The following SATL1 variants were observed in gnomAD, a reference collection of about 807,000 sequenced individuals.
The protein encoded by SATL1 is spermidine/spermine N(1)-acetyltransferase-like protein 1.
Under a neutral mutation model 51.8 loss-of-function variants are expected in SATL1, and 47 were observed. The ratio of observed to expected loss-of-function variants is 0.91; its 90% CI spans 0.72 to 1.16. The LOEUF is 1.16. SATL1 is among the 50% of genes most tolerant of loss of function. The probability of loss-of-function intolerance (pLI) is 0.00; values close to 1 mark genes in which losing one functional copy is unlikely to be tolerated. For missense variants in SATL1, 520 were observed against 526.4 expected (o/e 0.99, Z 0.12); for synonymous variants, 176 against 182.4 (o/e 0.97, Z 0.28).
intron 4 of SATL1, among the ~76,000 whole-genome samples, chrX:85,098,051 A>T (rs1043165395): frequency 2.7e-5 from 3 of 111,731 alleles, no homozygotes; most frequent in Non-Finnish European, 5.6e-5. Context: ...AGGAAAACAA[A>T]CAAAAACATG....
chrX:85,198,811 C>T (rs1927630418), intron 2 of SATL1, among the ~76,000 whole-genome samples: 1 of 110,108 alleles, frequency 9.1e-6, no homozygotes, highest in Non-Finnish European at 1.9e-5. Flanking sequence ...ACTATAATCA[C>T]CCTGTTGTCC....
intron 2 of SATL1, among the ~76,000 whole-genome samples, chrX:85,213,904 C>G (rs1376360031): frequency 9.0e-6 from 1 of 110,619 alleles, no homozygotes; most frequent in Non-Finnish European, 1.9e-5. Context: ...TGTGGAAACT[C>G]AAAAAGAGAA....
At chrX:85,215,384 G>A (rs1444653703) in intron 2 of SATL1, among the ~76,000 whole-genome samples, 1 of 111,756 alleles carries the variant, frequency 8.9e-6, no homozygotes, top group Non-Finnish European at 1.9e-5. Flanking sequence ...GCAAGTGGTA[G>A]TTCCACAACA....
intron 2 of SATL1, among the ~76,000 whole-genome samples, chrX:85,135,970 T>C (rs1288041139): frequency 1.8e-5 from 2 of 110,166 alleles, no homozygotes; most frequent in Non-Finnish European, 3.8e-5. Context: ...ATAATAATAA[T>C]GAGTTCCTGA....
chrX:85,188,793 T>G (rs1408501526), intron 2 of SATL1, among the ~76,000 whole-genome samples: 1 of 112,472 alleles, frequency 8.9e-6, no homozygotes, highest in East Asian at 2.8e-4. Flanking sequence ...TTCATACTTG[T>G]ATGAGTGCTA....
chrX:85,209,978 T>C (rs1452705232), intron 2 of SATL1: 16 of 110,480 alleles, frequency 1.4e-4, no homozygotes, highest in African/African-American at 4.9e-4. Context: ...TTTAGTGCTA[T>C]AAATGTCCCT....
At chrX:85,211,713 C>T (rs189048948) in intron 2 of SATL1, 21 of 110,885 alleles carry the variant, frequency 1.9e-4, no homozygotes, top group Admixed American at 1.2e-3. Context: ...GTGGGCCATT[C>T]GATATCCCTA....
At chrX:85,175,697 A>G (rs1927068003) in intron 2 of SATL1, among the ~76,000 whole-genome samples, 2 of 110,979 alleles carry the variant, frequency 1.8e-5, no homozygotes, top group South Asian at 7.6e-4. Context: ...AAGGCTTTTG[A>G]CGCCCCTTGG....
Position 85,107,720 on chromosome X carries a change from A to C in SATL1, c.1249T>G (p.Trp417Gly), listed in dbSNP as rs760329255. ...SQIGMSQPGT[W>G]QTGLSQPVPR... The stretch of plus-strand genomic sequence containing the variant: ...ACTGGTTGGCTCAGGCCTGTTTGCC[A>C]TGTGCCTGGTTGGCTCATGCCTATT... The change falls in exon 3 of 8, where the codon TGG (tryptophan) becomes GGG (glycine). Residue 417 changes from tryptophan to glycine, a missense_variant. Around this residue, in one of 3 missense-constraint regions of SATL1, gnomAD observed 488 missense variants for 474.3 expected, o/e 1.03. Coordinates refer to ENST00000644105, the MANE Select transcript of SATL1 (RefSeq NM_001367857.2). 2.4e-5 allele frequency: 29 copies of C among 1,208,713 alleles called. No homozygotes were observed. The African/African-American group carries it at 4.6e-4, about 19-fold the overall frequency.
At chrX:85,129,592 A>G (rs904917431) in intron 2 of SATL1, among the ~76,000 whole-genome samples, 6 of 111,810 alleles carry the variant, frequency 5.4e-5, no homozygotes, top group Non-Finnish European at 7.5e-5. Flanking sequence ...TCTTCTGCAA[A>G]CAGGGACAAT....
At chrX:85,234,013 A>G (rs1184555585) in intron 1 of SATL1, among the ~76,000 whole-genome samples, 1 of 111,457 alleles carries the variant, frequency 9.0e-6, no homozygotes, top group Non-Finnish European at 1.9e-5. Flanking sequence ...CAAATTTCCA[A>G]AGGTCACAGA....
At chrX:85,133,169 G>A (rs1029421688) in intron 2 of SATL1, among the ~76,000 whole-genome samples, 1 of 112,028 alleles carries the variant, frequency 8.9e-6, no homozygotes, top group Admixed American at 9.4e-5. Flanking sequence ...ACCATGCTGG[G>A]AGAACCACTA....
Position 85,107,811 on chromosome X carries a change from C to T in SATL1, c.1158G>A (p.Met386Ile). Residue 386 changes from methionine to isoleucine, a missense_variant, in exon 3 of 8, where the codon ATG becomes ATA. By Grantham distance (10) the Met-to-Ile change is conservative (BLOSUM62 1). Around this residue, in one of 3 missense-constraint regions of SATL1, gnomAD observed 488 missense variants for 474.3 expected, o/e 1.03. Coordinates refer to ENST00000644105, the MANE Select transcript of SATL1 (RefSeq NM_001367857.2). ...ISQPVMWQLD[M>I]RQSGGSQPSM... ...TTGGTTGGCTCCCACCTGACTGTCTCATGTCTAGTTGCCACATCACTGGTT... is the reference window on the plus strand; with the variant it reads ...TTGGTTGGCTCCCACCTGACTGTCTTATGTCTAGTTGCCACATCACTGGTT... 2 of 1,211,624 alleles carry T rather than the reference C, an allele frequency of 1.7e-6. No homozygotes were observed. The highest frequency in any genetic ancestry group is 2.2e-6 in the Non-Finnish European group (2 of 895,518).
Position 85,099,159 on chromosome X carries a change from C to T in SATL1, c.1694-4163G>A, listed in dbSNP as rs1205650167. Among the ~76,000 whole-genome samples the T allele has an allele frequency of 3.6e-5, 4 of 111,229 alleles. No individual in the cohort carries two copies. In the East Asian group the frequency reaches 1.1e-3, roughly 31 times the overall value. On this transcript the variant is annotated intron_variant, in intron 4 of 7. Transcript: ENST00000644105. Reference sequence around the variant, plus strand: ...ATTTATATAACAACAAATTAGATAACCTAGAAGAAATGGACACATTCCTTC... The same window carrying T: ...ATTTATATAACAACAAATTAGATAATCTAGAAGAAATGGACACATTCCTTC...
chrX:85,140,670 G>C (rs1333313021), intron 2 of SATL1, among the ~76,000 whole-genome samples: 1 of 111,882 alleles, frequency 8.9e-6, no homozygotes, highest in Non-Finnish European at 1.9e-5. Context: ...TCAAAATTTA[G>C]AATCCATTGT....
intron 2 of SATL1, among the ~76,000 whole-genome samples, chrX:85,132,921 G>A (rs1056861021): frequency 1.7e-4 from 19 of 111,943 alleles, no homozygotes; most frequent in African/African-American, 6.2e-4. Flanking sequence ...CTCAGCTGCA[G>A]GTCTGTTGGA....
chrX:85,179,863 A>G (rs867834351), intron 2 of SATL1, among the ~76,000 whole-genome samples: 4 of 109,969 alleles, frequency 3.6e-5, no homozygotes, highest in African/African-American at 1.3e-4. Context: ...TCTTTGAACT[A>G]GAAGTTCAAT....
At chrX:85,159,584 C>G (rs966481338) in intron 2 of SATL1, among the ~76,000 whole-genome samples, 1 of 111,662 alleles carries the variant, frequency 9.0e-6, no homozygotes, top group African/African-American at 3.3e-5. Flanking sequence ...GATTGGGGAT[C>G]GCTGATCTGA....
intron 2 of SATL1, among the ~76,000 whole-genome samples, chrX:85,162,390 T>C (rs1926741824): frequency 9.0e-6 from 1 of 111,517 alleles, no homozygotes; most frequent in African/African-American, 3.3e-5. Flanking sequence ...ATTGATTTTG[T>C]ATCCTGAAAC....
Sources: gnomAD v4.1 joint callset for allele counts (sites outside exome capture counted in the v4.1 genomes callset) on GRCh38, gnomAD v4.1.1 for gene constraint, gnomAD v4.1.1 regional missense constraint, MANE v1.5 for transcripts, NCBI Gene and HGNC (gene_info 2026-07-23, HGNC 2026-07-21) for gene names.